The following F8 variants were observed in gnomAD, a reference collection of about 807,000 sequenced individuals.
F8 encodes the protein antihemophilic factor.
F8 carries 12 observed loss-of-function variants against 140.6 expected under a neutral mutation model. The ratio of observed to expected loss-of-function variants is 0.09; its 90% CI spans 0.05 to 0.14. The LOEUF is 0.14. Ranked by LOEUF, F8 falls within the 10% of genes least tolerant of loss-of-function variation. F8 has a pLI of 1.00. For missense variants in F8, 1,354 were observed against 1,720.7 expected, an observed-to-expected ratio of 0.79 and a Z score of 3.77; for synonymous variants, 585 against 614.6, an observed-to-expected ratio of 0.95 and a Z score of 0.71.
chrX:154,989,816 G>A (rs2073577810), intron 4 of F8, among the ~76,000 whole-genome samples: 1 of 111,973 alleles, frequency 8.9e-6, no homozygotes, highest in African/African-American at 3.2e-5. Flanking sequence ...AAATATTCCA[G>A]TATCTGAAAT....
intron 1 of F8, among the ~76,000 whole-genome samples, chrX:155,002,126 G>A (rs1167038358): frequency 4.5e-5 from 5 of 112,189 alleles, no homozygotes; most frequent in Non-Finnish European, 3.8e-5. Flanking sequence ...TTCACTTAGC[G>A]TAATATACTC....
At chrX:154,959,519 C>T (rs1258837127) in intron 10 of F8, among the ~76,000 whole-genome samples, 2 of 112,615 alleles carry the variant, frequency 1.8e-5, no homozygotes, top group African/African-American at 6.4e-5. Context: ...CTTCAGGATA[C>T]ACCTTTGTGT....
chrX:154,875,430 C>T (rs1389999861), intron 22 of F8, among the ~76,000 whole-genome samples: 2 of 111,884 alleles, frequency 1.8e-5, no homozygotes, highest in Admixed American at 9.5e-5. Context: ...CTTGTGGTGA[C>T]CATTTCACAA....
rs1603436436 is a variant in F8 at position 154,993,077 on chromosome X, T to C, written c.460A>G (p.Thr154Ala). The stretch of plus-strand genomic sequence containing the variant: ...TCTTTCAGGACCTGCCAGACATATG[T>C]ATGGCTTCCACCAGGGAAGACTTTA... Reference protein sequence around the residue: ...DDKVFPGGSHTYVWQVLKENG... With the variant: ...DDKVFPGGSHAYVWQVLKENG... Residue 154 changes from threonine (T) to alanine (A), a missense_variant, in exon 4 of 26, where the codon ACA (threonine) becomes GCA (alanine). By Grantham distance (58) the Thr-to-Ala change is moderately conservative. This residue lies in a region of F8 where 128 missense variants were observed against 230.4 expected (regional missense o/e 0.56). Coordinates refer to ENST00000360256, the MANE Select transcript of F8 (RefSeq NM_000132.4). 8.3e-7 allele frequency: 1 copy of C among 1,211,950 alleles called. No individual in the cohort carries two copies. The highest frequency in any genetic ancestry group is 1.1e-6 in the Non-Finnish European group (1 of 895,436).
chrX:154,886,301 G>T, intron 22 of F8: 1 of 516,702 alleles, frequency 1.9e-6, no homozygotes, highest in South Asian at 5.3e-5. Flanking sequence ...CGAGGGGGAC[G>T]CAGGGCACGT....
At chrX:154,959,377 C>T (rs1182317110) in intron 10 of F8, among the ~76,000 whole-genome samples, 3 of 108,879 alleles carry the variant, frequency 2.8e-5, no homozygotes, top group Non-Finnish European at 3.8e-5. Flanking sequence ...CAGAGCGAGA[C>T]GCTGTCTCAA....
At chrX:154,995,727 G>A (rs941769707) in intron 3 of F8, among the ~76,000 whole-genome samples, 9 of 112,351 alleles carry the variant, frequency 8.0e-5, no homozygotes, top group Admixed American at 5.7e-4. Context: ...AATGTATTTC[G>A]TTTAACCTAG....
At chrX:154,967,157 AC>A (rs1557282118) in intron 7 of F8, among the ~76,000 whole-genome samples, 1 of 110,093 alleles carries the variant, frequency 9.1e-6, no homozygotes, top group African/African-American at 3.3e-5. Context: ...TCCCCTAAGT[AC>A]CCCCCCTTTC....
intron 13 of F8, among the ~76,000 whole-genome samples, chrX:154,933,540 CAG>C (rs1182559230): frequency 1.8e-5 from 2 of 112,277 alleles, no homozygotes; most frequent in Non-Finnish European, 3.8e-5. Context: ...ATTAAGTAGA[CAG>C]AGAGTTAGGC....
chrX:154,870,513 C>T (rs781950580), intron 22 of F8, among the ~76,000 whole-genome samples: 29 of 112,002 alleles, frequency 2.6e-4, no homozygotes, highest in Middle Eastern at 4.6e-3. Flanking sequence ...ATGCTAAAAA[C>T]TCTCAATAAA....
At chrX:154,916,096 G>T (rs1172021730) in intron 14 of F8, among the ~76,000 whole-genome samples, 1 of 111,987 alleles carries the variant, frequency 8.9e-6, no homozygotes, top group Non-Finnish European at 1.9e-5. Flanking sequence ...TGTTAATGTG[G>T]TGTATCACAT....
At position 154,956,823 on chromosome X, in the gene F8, G is replaced by A. The variant is rs191010594; in HGVS notation, c.1752+134C>T. The A allele has an allele frequency of 5.7e-4, 351 of 618,399 alleles. No individual in the cohort carries two copies. In the African/African-American group the frequency reaches 6.7e-3, roughly 12 times the overall value. 51.0% of individuals were successfully genotyped at this position (618,399 alleles called of 1,213,427 possible). ...TCCATCCAGCAGGCACGTTTACTAC[G>A]TGAAACTCAAATTTAGTAAAAGCTA... On this transcript the variant is annotated intron_variant, in intron 11 of 25. Transcript: ENST00000360256.
Position 154,929,861 on chromosome X carries a change from T to C in F8, c.3929A>G (p.Tyr1310Cys), listed in dbSNP as rs2124049816. 2.5e-6 allele frequency: 3 copies of C among 1,211,820 alleles called. No individual in the cohort carries two copies. The highest frequency in any genetic ancestry group is 3.4e-6 in the Non-Finnish European group (3 of 895,303). ...AGGAGATATCCTTGTGGTGCATGCA[T>C]ATTTCTCTACAATTTGCTTGGTTTG... is the stretch of plus-strand genomic sequence containing the variant. ...GNQTKQIVEK[Y>C]ACTTRISPNT... The change falls in exon 14 of 26, where the codon TAT (tyrosine) becomes TGT (cysteine). Residue 1310 changes from tyrosine (Y) to cysteine (C), a missense_variant. This residue lies in a region of F8 where 658 missense variants were observed against 666.5 expected (regional missense o/e 0.99). Coordinates refer to ENST00000360256, the MANE Select transcript of F8 (RefSeq NM_000132.4).
chrX:154,860,604 T>G lies in F8; in HGVS notation c.6728A>C (p.Asn2243Thr), dbSNP rs781799682. The G allele has an allele frequency of 1.7e-6, 2 of 1,211,493 alleles. No homozygotes were observed. The highest frequency in any genetic ancestry group is 2.2e-6 in the Non-Finnish European group (2 of 895,095). ...GRSNAWRPQVNNPKEWLQVDF... is the reference protein window; with the variant it reads ...GRSNAWRPQVTNPKEWLQVDF... Reference sequence around the variant, plus strand: ...CACTTGCAGCCACTCTTTTGGATTATTCACCTGAGGGCAATAGAGTTGGAC... The same window carrying G: ...CACTTGCAGCCACTCTTTTGGATTAGTCACCTGAGGGCAATAGAGTTGGAC... The change falls in exon 25 of 26, where the codon AAT (asparagine) becomes ACT (threonine). Residue 2243 changes from asparagine to threonine, a missense_variant. This residue lies in a region of F8 where 316 missense variants were observed against 485.4 expected (regional missense o/e 0.65). Transcript: ENST00000360256.
chrX:154,846,669 A>G (rs2072568757), intron 25 of F8, among the ~76,000 whole-genome samples: 1 of 111,492 alleles, frequency 9.0e-6, no homozygotes, highest in Non-Finnish European at 1.9e-5. Context: ...TTTCGAGCCT[A>G]TGTGAGTCTC....
At chrX:154,985,961 T>C (rs1169113897) in intron 5 of F8, among the ~76,000 whole-genome samples, 1 of 112,383 alleles carries the variant, frequency 8.9e-6, no homozygotes, top group East Asian at 2.8e-4. Flanking sequence ...AAAATACTGA[T>C]ATAGTATGAT....
intron 13 of F8, among the ~76,000 whole-genome samples, chrX:154,937,319 A>C (rs1418795799): frequency 9.0e-6 from 1 of 111,272 alleles, no homozygotes; most frequent in Non-Finnish European, 1.9e-5. Context: ...TGAACAAAGC[A>C]AAAATTTGAT....
At chrX:154,963,368 G>A (rs1557281741) in intron 9 of F8, among the ~76,000 whole-genome samples, 1 of 112,029 alleles carries the variant, frequency 8.9e-6, no homozygotes. Flanking sequence ...ATACAATCAT[G>A]TCATCTGCAA....
intron 25 of F8, among the ~76,000 whole-genome samples, chrX:154,849,105 C>A (rs1230573415): frequency 9.0e-6 from 1 of 110,894 alleles, no homozygotes; most frequent in Non-Finnish European, 1.9e-5. Flanking sequence ...TCCTGAGTAA[C>A]TGGGACTACA....
Sources: gnomAD v4.1 joint callset for allele counts (sites outside exome capture counted in the v4.1 genomes callset) on GRCh38, gnomAD v4.1.1 for gene constraint, gnomAD v4.1.1 regional missense constraint, MANE v1.5 for transcripts, NCBI Gene and HGNC (gene_info 2026-07-23, HGNC 2026-07-21) for gene names.